Variants in CIITA observed in about 807,000 individuals in gnomAD.
The protein encoded by CIITA is MHC class II transactivator.
Under a neutral mutation model 115.1 loss-of-function variants are expected in CIITA, and 72 were observed. The ratio of observed to expected loss-of-function variants is 0.63; its 90% CI spans 0.52 to 0.76. The LOEUF (loss-of-function observed/expected upper bound fraction) is 0.76, where lower values mean the gene tolerates loss of function less well. CIITA is among the 30% of genes least tolerant of loss of function. CIITA has a pLI of 0.00. For synonymous variants in CIITA, 763 were observed against 635.6 expected, an observed-to-expected ratio of 1.20 and a Z score of -3.02; for missense variants, 1,617 against 1,463.8, an observed-to-expected ratio of 1.10 and a Z score of -1.71.
At chr16:10,871,123 G>A (rs956318812) in intron 1 of CIITA, among the ~76,000 whole-genome samples, 8 of 152,314 alleles carry the variant, frequency 5.3e-5, no homozygotes, top group South Asian at 2.1e-4. Flanking sequence ...CTTCCCGGGC[G>A]CCCCGCCTCA....
In CIITA at chr16:10,908,883, T is replaced by C. The variant is rs190953711; in HGVS notation, c.2658-146T>C. On this transcript the variant is annotated intron_variant, in intron 11 of 19. Transcript: ENST00000324288. ...AAGTAGGAATCAATAAAGGCTGGAGTGGTCATGGAAGGCTTTCTGGGAAAG... is the reference window on the plus strand; with the variant it reads ...AAGTAGGAATCAATAAAGGCTGGAGCGGTCATGGAAGGCTTTCTGGGAAAG... 5.5e-4 allele frequency: 581 copies of C among 1,065,670 alleles called. 3 individuals are homozygous for C. In the African/African-American group the frequency reaches 8.4e-3, roughly 15 times the overall value. 66.0% of individuals were successfully genotyped at this position (1,065,670 alleles called of 1,614,324 possible).
chr16:10,897,963 T>C (rs527866932), intron 3 of CIITA, among the ~76,000 whole-genome samples: 52 of 152,286 alleles, frequency 3.4e-4, no homozygotes, highest in African/African-American at 1.3e-3. Flanking sequence ...CAGGGTTTCC[T>C]AAACATACTC....
chr16:10,871,092 C>T (rs2035452219), intron 1 of CIITA, among the ~76,000 whole-genome samples: 1 of 152,244 alleles, frequency 6.6e-6, no homozygotes, highest in African/African-American at 2.4e-5. Flanking sequence ...TTCCCAATTC[C>T]AAGAGGTATG....
At chr16:10,872,440 G>C (rs2035552928), upstream of CIITA, among the ~76,000 whole-genome samples, 1 of 152,086 alleles carries the variant, frequency 6.6e-6, no homozygotes, top group Non-Finnish European at 1.5e-5. Context: ...CTGTCTTATG[G>C]TGGTAATCTA....
intron 13 of CIITA, among the ~76,000 whole-genome samples, chr16:10,910,863 C>A (rs1310671580): frequency 6.6e-6 from 1 of 152,254 alleles, no homozygotes; most frequent in African/African-American, 2.4e-5. Context: ...ATCTTTCCCC[C>A]ATTTTGAAAT....
intron 13 of CIITA, chr16:10,913,336 G>A (rs7404890): frequency 0.72 from 108,158 of 150,340 alleles, 39,287 homozygotes; most frequent in South Asian, 0.78. Context: ...TTTTTTTGAG[G>A]TGGAGTCTCG....
At chr16:10,885,098 G>A (rs1255810684) in intron 1 of CIITA, among the ~76,000 whole-genome samples, 1 of 152,012 alleles carries the variant, frequency 6.6e-6, no homozygotes, top group Non-Finnish European at 1.5e-5. Flanking sequence ...ACAATTGTGT[G>A]TACTCTATAT....
At chr16:10,895,616 C>T (rs1459171781) in intron 2 of CIITA, 53 bp from the exon 3 acceptor site, 73 of 1,607,500 alleles carry the variant, frequency 4.5e-5, no homozygotes, top group Non-Finnish European at 6.0e-5. Flanking sequence ...TCGTTCCCCA[C>T]CAGCCCTCTT....
At chr16:10,902,911 C>A in intron 8 of CIITA, 110 bp downstream of exon 8, 2 of 1,288,582 alleles carry the variant, frequency 1.6e-6, no homozygotes, top group Non-Finnish European at 2.2e-6. Context: ...AGCACCTTCT[C>A]ATGATCCTCC....
At position 10,907,544 on chromosome 16, in the gene CIITA, C is replaced by G. The variant is rs771174153; in HGVS notation, c.2052C>G (p.Asp684Glu). 1.2e-6 allele frequency: 2 copies of G among 1,614,166 alleles called. No individual in the cohort carries two copies. The highest frequency in any genetic ancestry group is 1.7e-5 in the Admixed American group (1 of 60,028). The part of the protein sequence containing the change: ...TLQEDQFPSA[D>E]VRTWAMAKGL... ...AGGAGGACCAGTTCCCATCCGCAGA[C>G]GTGAGGACCTGGGCGATGGCCAAAG... Residue 684 changes from aspartate (D) to glutamate (E), a missense_variant, in exon 11 of 20, where the codon GAC becomes GAG. Physicochemically the swap from Asp to Glu is conservative, Grantham distance 45. Transcript: ENST00000324288. This position sits in a 1 kb window ranked among gnomAD's most constrained non-coding sequence, Gnocchi z 5.0.
intron 11 of CIITA, chr16:10,908,805 T>C (rs1342951074): frequency 1.5e-5 from 10 of 647,586 alleles, no homozygotes; most frequent in Non-Finnish European, 2.7e-5. Context: ...AGCAGTGAGC[T>C]TCCTGGTAGC....
rs1179032974 is a variant in CIITA, at chr16:10,907,122, C to T, written c.1630C>T (p.Leu544Phe). ...QKKLLRGCTL[L>F]LTARPRGRLV... ...GAAGCTGCTCCGAGGTTGCACCCTC[C>T]TCCTCACAGCCCGGCCCCGGGGCCG... Residue 544 changes from leucine (L) to phenylalanine (F), a missense_variant, in exon 11 of 20, where the codon CTC becomes TTC. By Grantham distance (22) the Leu-to-Phe change is conservative. Transcript: ENST00000324288. The surrounding 1 kb of genome is among the most constrained non-coding windows in gnomAD (Gnocchi z 5.0). The T allele has an allele frequency of 6.2e-7, 1 of 1,611,852 alleles. No homozygotes were observed. The highest frequency in any genetic ancestry group is 1.7e-5 in the Admixed American group (1 of 60,006).
intron 12 of CIITA, 133 bp from the exon 13 acceptor site, chr16:10,910,055 G>C (rs992095691): frequency 4.2e-6 from 3 of 722,350 alleles, no homozygotes; most frequent in African/African-American, 3.5e-5. Context: ...TTTTAAGAGG[G>C]GGACAACAGT....
Position 10,907,349 on chromosome 16 carries a change from G to T in CIITA, c.1857G>T (p.Gln619His). Reference protein sequence around the residue: ...HSPTLCRAVCQLSEALLELGE... With the variant: ...HSPTLCRAVCHLSEALLELGE... ...CTACTTTGTGCCGGGCAGTGTGCCA[G>T]CTCTCAGAGGCCCTGCTGGAGCTTG... Residue 619 changes from glutamine to histidine, a missense_variant, in exon 11 of 20, where the codon CAG (glutamine) becomes CAT (histidine). By Grantham distance (24) the Gln-to-His change is conservative (BLOSUM62 0). Coordinates refer to ENST00000324288, the MANE Select transcript of CIITA (RefSeq NM_000246.4). This position sits in a 1 kb window ranked among gnomAD's most constrained non-coding sequence, Gnocchi z 5.0. 6.2e-7 allele frequency: 1 copy of T among 1,613,564 alleles called. No homozygotes were observed. Among genetic ancestry groups the T allele is most frequent in the Non-Finnish European group, 8.5e-7 (1 of 1,179,994 alleles).
chr16:10,876,021 G>A (rs1263583138), upstream of CIITA, among the ~76,000 whole-genome samples: 2 of 152,030 alleles, frequency 1.3e-5, no homozygotes, highest in Admixed American at 6.6e-5. Flanking sequence ...ATAGTGGCAG[G>A]TGCCTGTAAT....
chr16:10,922,476 T>TGTGGAGAC lies in CIITA; in HGVS notation c.3305_3312dup (p.Leu1105TrpfsTer28). ...CTGCCAGCCTTCGGAGGTGTCCTCA[T>TGTGGAGAC]GTGGAGACGCTGGCGTAAGTCCAGG... On this transcript the variant is annotated frameshift_variant, in exon 18 of 20. Coordinates refer to ENST00000324288, the MANE Select transcript of CIITA (RefSeq NM_000246.4). LOFTEE classifies it high-confidence loss of function. The TGTGGAGAC allele has an allele frequency of 6.2e-7, 1 of 1,614,038 alleles. No individual in the cohort carries two copies. Among genetic ancestry groups the TGTGGAGAC allele is most frequent in the South Asian group, 1.1e-5 (1 of 91,086 alleles).
intron 13 of CIITA, chr16:10,913,429 C>A: frequency 6.0e-6 from 1 of 165,614 alleles, no homozygotes; most frequent in Non-Finnish European, 1.3e-5. Context: ...ATTCTCTTGC[C>A]TCAGCCTCCC....
chr16:10,902,206 G>A (rs2038825892), intron 7 of CIITA, 22 bp downstream of exon 7: 2 of 1,613,848 alleles, frequency 1.2e-6, no homozygotes, highest in Admixed American at 1.7e-5. Flanking sequence ...GGCTTGGAGA[G>A]AGTGGGCTTT....
intron 1 of CIITA, among the ~76,000 whole-genome samples, chr16:10,868,055 C>A (rs1294465117): frequency 6.6e-6 from 1 of 152,234 alleles, no homozygotes; most frequent in African/African-American, 2.4e-5. Context: ...AGCCACCACA[C>A]CCAACCTGGT....
Sources: allele counts gnomAD v4.1 joint callset (sites outside exome capture counted in the v4.1 genomes callset), GRCh38; gene constraint gnomAD v4.1.1; non-coding constraint Gnocchi (gnomAD v3.1); transcripts MANE v1.5; gene names NCBI Gene and HGNC (gene_info 2026-07-23, HGNC 2026-07-21).